Variants in ZGRF1 observed in about 807,000 individuals in gnomAD.
The protein encoded by ZGRF1 is 5'-3' DNA helicase ZGRF1.
A neutral mutation model predicts 203.5 loss-of-function variants in ZGRF1; 196 were observed. That is an observed-to-expected ratio of 0.96 (90% CI 0.86 to 1.08). The LOEUF is 1.08. Among genes scored for constraint, ZGRF1 ranks in the 50% least tolerant of loss-of-function variants. ZGRF1 has a pLI of 0.00. For missense variants in ZGRF1, 2,326 were observed against 2,416.3 expected, an observed-to-expected ratio of 0.96 and a Z score of 0.78; for synonymous variants, 809 against 841.3, an observed-to-expected ratio of 0.96 and a Z score of 0.66.
At chr4:112,566,111 A>C (rs202217573) in intron 16 of ZGRF1, among the ~76,000 whole-genome samples, 1 of 152,074 alleles carries the variant, frequency 6.6e-6, no homozygotes. Context: ...GTCCAACAAT[A>C]ATAGACTGGA....
At chr4:112,593,575 T>C (rs1450044824) in intron 10 of ZGRF1, among the ~76,000 whole-genome samples, 1 of 152,246 alleles carries the variant, frequency 6.6e-6, no homozygotes, top group East Asian at 1.9e-4. Context: ...CTGGCCCAGC[T>C]GACCTGTCCA....
chr4:112,633,993 T>C (rs2047496161), intron 1 of ZGRF1, among the ~76,000 whole-genome samples: 10 of 152,198 alleles, frequency 6.6e-5, no homozygotes, highest in Admixed American at 6.5e-4. Context: ...GTGATGCTGA[T>C]GGACACTCAA....
chr4:112,626,472 T>A (rs1268693104), intron 3 of ZGRF1, among the ~76,000 whole-genome samples: 1 of 152,246 alleles, frequency 6.6e-6, no homozygotes, highest in Non-Finnish European at 1.5e-5. Flanking sequence ...GCTCACTCTG[T>A]TCCAACCACA....
At chr4:112,589,232 C>T (rs17044839) in intron 11 of ZGRF1, among the ~76,000 whole-genome samples, 90 of 152,246 alleles carry the variant, frequency 5.9e-4, no homozygotes, top group African/African-American at 1.8e-3. Context: ...GAAGCAGAAG[C>T]TGACTCATAG....
chr4:112,553,536 C>T (rs1740351463), intron 22 of ZGRF1, among the ~76,000 whole-genome samples: 1 of 152,176 alleles, frequency 6.6e-6, no homozygotes, highest in Non-Finnish European at 1.5e-5. Flanking sequence ...GGAATCTATT[C>T]CCACCTCTAT....
chr4:112,548,779 T>C (rs1326309837), intron 22 of ZGRF1, among the ~76,000 whole-genome samples: 1 of 151,906 alleles, frequency 6.6e-6, no homozygotes, highest in African/African-American at 2.4e-5. Flanking sequence ...TAACGAAATA[T>C]TCTTTGCTTA....
chr4:112,601,802 G>A (rs903292849), intron 10 of ZGRF1, among the ~76,000 whole-genome samples: 2 of 152,134 alleles, frequency 1.3e-5, no homozygotes, highest in South Asian at 2.1e-4. Flanking sequence ...GAAAAGGTAA[G>A]TAAGGGTCAG....
At position 112,540,027 on chromosome 4, in the gene ZGRF1, A is replaced by T; in HGVS notation, c.6008T>A (p.Ile2003Asn). The change falls in exon 27 of 28, where the codon ATC (isoleucine) becomes AAC (asparagine). Residue 2003 changes from isoleucine (I) to asparagine (N), a missense_variant. Coordinates refer to ENST00000505019, the MANE Select transcript of ZGRF1 (RefSeq NM_018392.5). Reference sequence around the variant, plus strand: ...TGTCCTTACACAGGACAGAATAATGATCTCCTTTTCAGCTCCCTGAAAAGC... The same window carrying T: ...TGTCCTTACACAGGACAGAATAATGTTCTCCTTTTCAGCTCCCTGAAAAGC... ...VDAFQGAEKE[I>N]IILSCVRTRQ... 1.2e-6 allele frequency: 2 copies of T among 1,612,476 alleles called. No homozygotes were observed. Among genetic ancestry groups the T allele is most frequent in the Admixed American group, 3.3e-5 (2 of 59,746 alleles).
rs778406013 is a variant in ZGRF1 at position 112,587,479 on chromosome 4, T to C, written c.3578A>G (p.Asn1193Ser). The C allele has an allele frequency of 1.5e-5, 24 of 1,613,870 alleles. No individual in the cohort carries two copies. The highest frequency in any genetic ancestry group is 6.6e-5 in the South Asian group (6 of 91,084). The stretch of plus-strand genomic sequence containing the variant: ...ATGCACAGAGTCTAAAGAGCTTTCA[T>C]TGACAGCATCACTCTGTCTTTCACT... Reference protein sequence around the residue: ...DTSERQSDAVNESSLDSVHLQ... With the variant: ...DTSERQSDAVSESSLDSVHLQ... The change falls in exon 12 of 28, where the codon AAT becomes AGT. Residue 1193 changes from asparagine (N) to serine (S), a missense_variant. Asn to Ser is a conservative substitution (Grantham distance 46). Coordinates refer to ENST00000505019, the MANE Select transcript of ZGRF1 (RefSeq NM_018392.5).
Position 112,586,452 on chromosome 4 carries a change from G to A in ZGRF1, c.3909C>T (p.Cys1303=). Residue 1303 remains cysteine (C), a synonymous_variant, in exon 13 of 28, where the codon TGC becomes TGT. Coordinates refer to ENST00000505019, the MANE Select transcript of ZGRF1 (RefSeq NM_018392.5). ...AAAACACAACAGCCATACCTATGAG[G>A]CAAGATGTGAAAGTCTGCTTATAAT... ...PAHYKQTFTS[C]LIEHLNILLF... 6.2e-7 allele frequency: 1 copy of A among 1,608,196 alleles called. No individual in the cohort carries two copies. Among genetic ancestry groups the A allele is most frequent in the Non-Finnish European group, 8.5e-7 (1 of 1,176,750 alleles).
intron 10 of ZGRF1, among the ~76,000 whole-genome samples, chr4:112,592,817 T>C (rs1193492278): frequency 1.3e-5 from 2 of 152,234 alleles, no homozygotes; most frequent in African/African-American, 2.4e-5. Context: ...AAAATGTATA[T>C]GTTGAAGCCT....
In ZGRF1 at chr4:112,618,686, TG is replaced by T. The variant is rs2046967324; in HGVS notation, c.1355del (p.Ser452Ter). The T allele has an allele frequency of 1.9e-6, 3 of 1,612,550 alleles. No homozygotes were observed. The highest frequency in any genetic ancestry group is 2.5e-6 in the Non-Finnish European group (3 of 1,179,640). ...CCTGAGCATTTTCTTTAATGAGAAC[TG>T]ATCCTTTAATGCACCCCTTGTCATT... ...NQNDKGCIKG[S>X]VLIKENAQEV... is the part of the protein sequence containing the mutation. On this transcript the variant is annotated frameshift_variant, in exon 6 of 28. Coordinates refer to ENST00000505019, the MANE Select transcript of ZGRF1 (RefSeq NM_018392.5). LOFTEE classifies it high-confidence loss of function.
Position 112,619,068 on chromosome 4 carries a change from C to T in ZGRF1, c.974G>A (p.Ser325Asn), listed in dbSNP as rs1380876423. 3.1e-5 allele frequency: 50 copies of T among 1,613,984 alleles called. No individual in the cohort carries two copies. Among genetic ancestry groups the T allele is most frequent in the Non-Finnish European group, 4.0e-5 (47 of 1,179,970 alleles). The change falls in exon 6 of 28, where the codon AGC becomes AAC. Residue 325 changes from serine to asparagine, a missense_variant. Coordinates refer to ENST00000505019, the MANE Select transcript of ZGRF1 (RefSeq NM_018392.5). ...HQSENTMRNK[S>N]RWAMYLSSQS... The stretch of plus-strand genomic sequence containing the variant: ...TGAGGATAAATACATGGCCCACCGG[C>T]TTTTATTTCTCATGGTATTTTCTGA...
In ZGRF1 at chr4:112,539,518, T is replaced by G; in HGVS notation, c.*29A>C. ...CATGTAAAATGAGTCTGAATTTACA[T>G]AAATACAAAATATTTACACCATGTC... On this transcript the variant is annotated 3_prime_UTR_variant, in exon 28 of 28. Coordinates refer to ENST00000505019, the MANE Select transcript of ZGRF1 (RefSeq NM_018392.5). 1 of 1,114,450 alleles carries G rather than the reference T, an allele frequency of 9.0e-7. No homozygotes were observed. The highest frequency in any genetic ancestry group is 1.3e-6 in the Non-Finnish European group (1 of 768,544). The allele number at this position is 1,114,450 out of a possible 1,614,324, so 69.0% of individuals were successfully genotyped here. A position where few individuals can be genotyped will look rare whatever the true frequency, so the allele number is the denominator to read the frequency against.
chr4:112,615,257 T>C (rs2046827837), intron 6 of ZGRF1, among the ~76,000 whole-genome samples: 1 of 152,152 alleles, frequency 6.6e-6, no homozygotes, highest in Non-Finnish European at 1.5e-5. Context: ...AGATGGAGTC[T>C]TGCTCTGTCA....
At chr4:112,547,873 C>T (rs1369254064) in intron 23 of ZGRF1, among the ~76,000 whole-genome samples, 4 of 152,100 alleles carry the variant, frequency 2.6e-5, no homozygotes, top group Non-Finnish European at 5.9e-5. Flanking sequence ...CAAATCTGAA[C>T]TCCATTATAT....
intron 16 of ZGRF1, among the ~76,000 whole-genome samples, chr4:112,568,284 AT>A (rs1743505956): frequency 2.0e-5 from 3 of 152,170 alleles, no homozygotes; most frequent in Non-Finnish European, 4.4e-5. Flanking sequence ...TAAAAGGCCC[AT>A]AATGTGCCCA....
At position 112,559,231 on chromosome 4, in the gene ZGRF1, C is replaced by T. The variant is rs987450714; in HGVS notation, c.4961-922G>A. ...TGTTTTGTTTTGAGACAGGGTCTGG[C>T]TCTGTTGCCCAGGCTGGAGTGCAGT... is the stretch of plus-strand genomic sequence containing the variant. On this transcript the variant is annotated intron_variant, in intron 19 of 27. Coordinates refer to ENST00000505019, the MANE Select transcript of ZGRF1 (RefSeq NM_018392.5). Among the ~76,000 whole-genome samples the T allele has an allele frequency of 2.0e-5, 3 of 152,080 alleles. No individual in the cohort carries two copies. In the South Asian group the frequency reaches 6.2e-4, roughly 31 times the overall value.
intron 16 of ZGRF1, among the ~76,000 whole-genome samples, chr4:112,566,802 G>A (rs1300561630): frequency 6.6e-6 from 1 of 151,986 alleles, no homozygotes; most frequent in Non-Finnish European, 1.5e-5. Flanking sequence ...AGAGGAGGAG[G>A]GGATCAAAGA....
Sources: gnomAD v4.1 joint callset for allele counts (sites outside exome capture counted in the v4.1 genomes callset) on GRCh38, gnomAD v4.1.1 for gene constraint, MANE v1.5 for transcripts, NCBI Gene and HGNC (gene_info 2026-07-23, HGNC 2026-07-21) for gene names.